Variants in TMEM135 observed in about 807,000 individuals in gnomAD.
The protein encoded by TMEM135 is peroxisomal membrane protein 52.
Under a neutral mutation model 60.3 loss-of-function variants are expected in TMEM135, and 30 were observed. The ratio of observed to expected loss-of-function variants is 0.50; its 90% CI spans 0.37 to 0.68. TMEM135 has a LOEUF of 0.68. TMEM135 is among the 30% of genes least tolerant of loss of function. TMEM135 has a pLI of 0.00. For missense variants in TMEM135, 468 were observed against 548.8 expected (o/e 0.85, Z 1.47); for synonymous variants, 190 against 186.7 (o/e 1.02, Z -0.14).
At chr11:87,071,893 T>C (rs936341378) in intron 3 of TMEM135, among the ~76,000 whole-genome samples, 5 of 152,148 alleles carry the variant, frequency 3.3e-5, no homozygotes, top group African/African-American at 1.2e-4. Context: ...AACTAAAATA[T>C]GGCTATGCAA....
At chr11:87,097,736 T>C (rs183230609) in intron 4 of TMEM135, among the ~76,000 whole-genome samples, 2 of 152,338 alleles carry the variant, frequency 1.3e-5, no homozygotes, top group Admixed American at 6.5e-5. Context: ...CTTCAGGACT[T>C]TGATACTTGC....
At chr11:87,047,043 C>A (rs1590976925) in intron 1 of TMEM135, among the ~76,000 whole-genome samples, 2 of 152,262 alleles carry the variant, frequency 1.3e-5, no homozygotes, top group Middle Eastern at 3.4e-3. Context: ...CTGCCCATAA[C>A]TCTCCAGGGA....
chr11:87,214,279 C>T (rs551130839), intron 5 of TMEM135, among the ~76,000 whole-genome samples: 8 of 152,318 alleles, frequency 5.3e-5, no homozygotes, highest in Non-Finnish European at 1.0e-4. Flanking sequence ...TGGGGACTTA[C>T]AGGACCAGCA....
chr11:87,315,917 CTTG>C (rs1036850849), intron 12 of TMEM135, among the ~76,000 whole-genome samples: 1 of 151,950 alleles, frequency 6.6e-6, no homozygotes, highest in African/African-American at 2.4e-5. Context: ...TTGACTCCTC[CTTG>C]TTGTAACATA....
chr11:87,232,817 CTAAAA>C (rs1283834818), intron 5 of TMEM135, among the ~76,000 whole-genome samples: 2 of 152,094 alleles, frequency 1.3e-5, no homozygotes, highest in Admixed American at 6.6e-5. Context: ...AAAACCAACA[CTAAAA>C]TAAACCAACA....
intron 3 of TMEM135, among the ~76,000 whole-genome samples, chr11:87,079,110 ATTC>A (rs1225466963): frequency 6.6e-6 from 1 of 152,014 alleles, no homozygotes; most frequent in Admixed American, 6.6e-5. Flanking sequence ...GGTTCAAGCA[ATTC>A]TTCTGCCTCA....
intron 5 of TMEM135, among the ~76,000 whole-genome samples, chr11:87,170,449 T>C (rs1198691599): frequency 6.6e-6 from 1 of 152,230 alleles, no homozygotes; most frequent in Non-Finnish European, 1.5e-5. Context: ...TTGATGTTGG[T>C]GACCTTCCGA....
intron 4 of TMEM135, chr11:87,121,234 T>A (rs1352567283): frequency 6.6e-6 from 1 of 152,216 alleles, no homozygotes; most frequent in Non-Finnish European, 1.5e-5. Context: ...TATTTATTCA[T>A]CCTTTCTTTG....
chr11:87,074,874 T>C (rs1258275099), intron 3 of TMEM135, among the ~76,000 whole-genome samples: 2 of 152,250 alleles, frequency 1.3e-5, no homozygotes, highest in Non-Finnish European at 2.9e-5. Context: ...CTTTTAATGC[T>C]ATTTTTTTGA....
chr11:87,142,111 C>T (rs962268511), intron 4 of TMEM135, among the ~76,000 whole-genome samples: 4 of 152,128 alleles, frequency 2.6e-5, no homozygotes, highest in Admixed American at 2.0e-4. Context: ...TCATTATTTG[C>T]TGGTAGTGTA....
chr11:87,315,936 A>G (rs995399694), intron 12 of TMEM135, among the ~76,000 whole-genome samples: 4 of 151,976 alleles, frequency 2.6e-5, no homozygotes, highest in African/African-American at 4.8e-5. Flanking sequence ...ACATAACACC[A>G]TTATCTTTGA....
chr11:87,201,764 G>A (rs1248440991), intron 5 of TMEM135, among the ~76,000 whole-genome samples: 1 of 152,038 alleles, frequency 6.6e-6, no homozygotes, highest in East Asian at 1.9e-4. Context: ...TAAGTAGAAT[G>A]AAAAATCTCA....
intron 6 of TMEM135, among the ~76,000 whole-genome samples, chr11:87,247,613 T>C (rs1166094214): frequency 6.6e-6 from 1 of 152,146 alleles, no homozygotes; most frequent in Non-Finnish European, 1.5e-5. Context: ...CACAGACTGC[T>C]GTGCTAGCAG....
intron 5 of TMEM135, among the ~76,000 whole-genome samples, chr11:87,226,604 A>G (rs1270332170): frequency 2.6e-5 from 4 of 152,206 alleles, no homozygotes; most frequent in Non-Finnish European, 5.9e-5. Flanking sequence ...ACAAGATGCA[A>G]CTACAAATAA....
At chr11:87,290,742 T>C (rs184242277) in intron 6 of TMEM135, among the ~76,000 whole-genome samples, 1 of 152,172 alleles carries the variant, frequency 6.6e-6, no homozygotes, top group East Asian at 1.9e-4. Context: ...GATATTATTA[T>C]GCAACATATT....
chr11:87,095,494 A>C, intron 4 of TMEM135: 1 of 196,402 alleles, frequency 5.1e-6, no homozygotes, highest in Middle Eastern at 5.4e-4. Context: ...TCCTCACTAT[A>C]CATGATGGGT....
chr11:87,293,120 C>A (rs565094056), intron 6 of TMEM135, among the ~76,000 whole-genome samples: 1 of 152,318 alleles, frequency 6.6e-6, no homozygotes, highest in Admixed American at 6.5e-5. Flanking sequence ...TCCTCACCAT[C>A]TTACCTATCT....
chr11:87,225,675 A>G (rs1012965062), intron 5 of TMEM135, among the ~76,000 whole-genome samples: 2 of 152,006 alleles, frequency 1.3e-5, no homozygotes, highest in African/African-American at 4.8e-5. Flanking sequence ...CCTACTTTGG[A>G]AGCTCAGTAG....
rs1941213284 is a variant in TMEM135 at position 87,244,549 on chromosome 11, A to G, written c.509+7865A>G. Among the ~76,000 whole-genome samples the G allele has an allele frequency of 3.5e-5, 3 of 85,554 alleles. 1 individual carries two copies. The highest frequency in any genetic ancestry group is 3.8e-4 in the South Asian group (1 of 2,658). The allele number at this position is 85,554 out of a possible 152,430, so 56.1% of individuals were successfully genotyped here. A position where few individuals can be genotyped will look rare whatever the true frequency, so the allele number is the denominator to read the frequency against. On this transcript the variant is annotated intron_variant, in intron 6 of 14. Coordinates refer to ENST00000305494, the MANE Select transcript of TMEM135 (RefSeq NM_022918.4). ...CAGAGCCTGTTATTGGTCTATTCAG[A>G]TATTCAACTTCTTCCTGGTTTAGTC... is the stretch of plus-strand genomic sequence containing the variant.
Sources: gnomAD v4.1 joint callset for allele counts (sites outside exome capture counted in the v4.1 genomes callset) on GRCh38, gnomAD v4.1.1 for gene constraint, MANE v1.5 for transcripts, NCBI Gene and HGNC (gene_info 2026-07-23, HGNC 2026-07-21) for gene names.